The following HEMK2 variants were observed in gnomAD, a reference collection of about 807,000 sequenced individuals.
HEMK2 encodes HemK methyltransferase 2, ETF1 glutamine and histone H4 lysine.
the HEMK2 span, among the ~76,000 whole-genome samples, chr21:28,696,058 C>T: frequency 6.6e-6 from 1 of 152,112 alleles, no homozygotes; most frequent in African/African-American, 2.4e-5. Flanking sequence ...GCAAAAGGCA[C>T]ATCTTACTAT....
the HEMK2 span, among the ~76,000 whole-genome samples, chr21:28,607,482 T>C: frequency 3.3e-5 from 5 of 152,270 alleles, no homozygotes; most frequent in South Asian, 6.2e-4. Context: ...AAAACTGGCG[T>C]CATCATTGCA....
the HEMK2 span, among the ~76,000 whole-genome samples, chr21:28,871,489 A>T: frequency 1.3e-5 from 2 of 152,286 alleles, no homozygotes; most frequent in Admixed American, 1.3e-4. Context: ...CTCCTCCAAT[A>T]CTAGGGGATT....
the HEMK2 span, among the ~76,000 whole-genome samples, chr21:28,840,691 A>T: frequency 6.6e-6 from 1 of 152,038 alleles, no homozygotes; most frequent in Non-Finnish European, 1.5e-5. Context: ...TCAAAAAATC[A>T]AAAACAGTAG....
chr21:28,740,602 T>C, the HEMK2 span, among the ~76,000 whole-genome samples: 1 of 152,238 alleles, frequency 6.6e-6, no homozygotes, highest in Admixed American at 6.5e-5. Flanking sequence ...CATGCTAAAG[T>C]ATTTCACAAC....
the HEMK2 span, among the ~76,000 whole-genome samples, chr21:28,576,625 G>T: frequency 6.6e-6 from 1 of 151,936 alleles, no homozygotes; most frequent in Non-Finnish European, 1.5e-5. Flanking sequence ...TCCCATTTAA[G>T]AAATCTTTGT....
At chr21:28,620,621 A>T in the HEMK2 span, among the ~76,000 whole-genome samples, 1 of 99,262 alleles carries the variant, frequency 1.0e-5, no homozygotes, top group South Asian at 3.1e-4. Context: ...TATTCCCTTT[A>T]TCATTTTTTA....
chr21:28,625,722 A>C, the HEMK2 span, among the ~76,000 whole-genome samples: 1 of 152,148 alleles, frequency 6.6e-6, no homozygotes, highest in Non-Finnish European at 1.5e-5. Flanking sequence ...CCTCTAAAAA[A>C]ACATAAAAAT....
At chr21:28,770,059 T>C in the HEMK2 span, among the ~76,000 whole-genome samples, 12 of 152,290 alleles carry the variant, frequency 7.9e-5, no homozygotes, top group East Asian at 2.3e-3. Context: ...CTGAATTTTT[T>C]CTGCAGAATG....
chr21:28,818,398 A>G, the HEMK2 span, among the ~76,000 whole-genome samples: 67 of 152,124 alleles, frequency 4.4e-4, 1 homozygote, highest in Non-Finnish European at 8.2e-4. Flanking sequence ...CTATTGTGGG[A>G]CCTCACCTTA....
chr21:28,759,586 G>C, the HEMK2 span, among the ~76,000 whole-genome samples: 1 of 152,132 alleles, frequency 6.6e-6, no homozygotes, highest in Non-Finnish European at 1.5e-5. Context: ...TGAGATTTGG[G>C]AGGGGCCGGG....
chr21:28,701,547 CA>C, the HEMK2 span, among the ~76,000 whole-genome samples: 232 of 77,844 alleles, frequency 3.0e-3, 1 homozygote, highest in African/African-American at 0.023. Context: ...TCACAATAGC[CA>C]CACACACACA....
the HEMK2 span, among the ~76,000 whole-genome samples, chr21:28,757,049 A>C: frequency 1.3e-5 from 2 of 152,216 alleles, no homozygotes; most frequent in Non-Finnish European, 2.9e-5. Context: ...TACTACACAT[A>C]CTGCTATTCT....
the HEMK2 span, among the ~76,000 whole-genome samples, chr21:28,700,026 T>C: frequency 1.3e-5 from 2 of 152,170 alleles, no homozygotes; most frequent in Non-Finnish European, 2.9e-5. Flanking sequence ...AACTGATCCT[T>C]AAGGTGAGAA....
chr21:28,878,832 CA>C, the HEMK2 span, among the ~76,000 whole-genome samples: 11 of 151,058 alleles, frequency 7.3e-5, no homozygotes, highest in Non-Finnish European at 1.5e-5. Context: ...TGTACAGAAA[CA>C]AAGTTTCAAA....
At chr21:28,589,254 T>C in the HEMK2 span, among the ~76,000 whole-genome samples, 1 of 152,178 alleles carries the variant, frequency 6.6e-6, no homozygotes, top group Non-Finnish European at 1.5e-5. Context: ...TGACAATATG[T>C]ATTTATCAAA....
the HEMK2 span, among the ~76,000 whole-genome samples, chr21:28,831,455 A>AAAGAAAGAAAGAAAGAAAAGAATG: frequency 1.8e-5 from 1 of 57,042 alleles, no homozygotes; most frequent in Middle Eastern, 7.1e-3. Context: ...AAAAAGAAAG[A>AAAGAAAGAAAGAAAGAAAAGAATG]AAAGAACGAA....
At chr21:28,875,374 C>T in the HEMK2 span, 1 of 152,176 alleles carries the variant, frequency 6.6e-6, no homozygotes, top group Non-Finnish European at 1.5e-5. Context: ...AGCTGTTTCT[C>T]AAAAAGAGAC....
At chr21:28,743,893 A>G in the HEMK2 span, among the ~76,000 whole-genome samples, 1 of 152,212 alleles carries the variant, frequency 6.6e-6, no homozygotes, top group Non-Finnish European at 1.5e-5. Flanking sequence ...CATATAGACC[A>G]CAGAATACTA....
chr21:28,678,525 A>G, the HEMK2 span, among the ~76,000 whole-genome samples: 1 of 152,184 alleles, frequency 6.6e-6, no homozygotes, highest in Non-Finnish European at 1.5e-5. Context: ...CAACATTCAA[A>G]TTCAGGAAAT....
Sources: gnomAD v4.1 joint callset for allele counts (sites outside exome capture counted in the v4.1 genomes callset) on GRCh38, gnomAD v4.1.1 for gene constraint, MANE v1.5 for transcripts, NCBI Gene and HGNC (gene_info 2026-07-23, HGNC 2026-07-21) for gene names.